The following PLXNA4 variants were observed in gnomAD, a reference collection of about 807,000 sequenced individuals.
PLXNA4 encodes the protein plexin-A4.
In PLXNA4, 44 loss-of-function variants were observed where a neutral mutation model predicts 191.8. The ratio of observed to expected loss-of-function variants is 0.23; its 90% CI spans 0.18 to 0.29. The LOEUF (loss-of-function observed/expected upper bound fraction) is 0.29. PLXNA4 is among the 10% of genes least tolerant of loss of function. The probability of loss-of-function intolerance (pLI) is 1.00; values close to 1 mark genes in which losing one functional copy is unlikely to be tolerated. For missense variants in PLXNA4, 1,800 were observed against 2,488.8 expected (o/e 0.72, Z 5.89); for synonymous variants, 1,082 against 1,009.5 (o/e 1.07, Z -1.36).
At chr7:132,257,308 A>G (rs1799467387) in intron 4 of PLXNA4, among the ~76,000 whole-genome samples, 1 of 152,186 alleles carries the variant, frequency 6.6e-6, no homozygotes, top group South Asian at 2.1e-4. Flanking sequence ...ATTCAAATAT[A>G]TCTTATAATC....
intron 10 of PLXNA4, among the ~76,000 whole-genome samples, chr7:132,206,437 GGTGTGTGT>G (rs61032250): frequency 7.9e-4 from 118 of 148,440 alleles, no homozygotes; most frequent in African/African-American, 2.0e-3. Flanking sequence ...TATGTTTTCT[GGTGTGTGT>G]GTGTGTGTGT....
At chr7:132,220,810 C>CTTTTTT (rs35090579) in intron 9 of PLXNA4, among the ~76,000 whole-genome samples, 1 of 100,790 alleles carries the variant, frequency 9.9e-6, no homozygotes, top group Non-Finnish European at 1.9e-5. Flanking sequence ...TTATTTTATT[C>CTTTTTT]TTTTTTTTTT....
chr7:132,296,197 A>T (rs1054233945), intron 4 of PLXNA4, among the ~76,000 whole-genome samples: 12 of 152,156 alleles, frequency 7.9e-5, no homozygotes, highest in Non-Finnish European at 1.8e-4. Context: ...GGCTCTATTC[A>T]TTCCTGCCTT....
intron 3 of PLXNA4, among the ~76,000 whole-genome samples, chr7:132,310,391 G>A (rs1322197012): frequency 2.0e-5 from 3 of 152,216 alleles, no homozygotes; most frequent in African/African-American, 7.2e-5. Context: ...CCCCTAGCAA[G>A]GCTCCCTGGC....
At chr7:132,552,533 A>C (rs1392116383) in intron 1 of PLXNA4, among the ~76,000 whole-genome samples, 1 of 152,172 alleles carries the variant, frequency 6.6e-6, no homozygotes, top group African/African-American at 2.4e-5. Context: ...CCGCTTCTTC[A>C]TCAGCTCCCA....
At chr7:132,377,421 A>AG (rs1429106713) in intron 3 of PLXNA4, among the ~76,000 whole-genome samples, 12 of 144,796 alleles carry the variant, frequency 8.3e-5, no homozygotes, top group African/African-American at 2.8e-4. Flanking sequence ...CAAATGAAAA[A>AG]GAAAAAAAAA....
intron 4 of PLXNA4, among the ~76,000 whole-genome samples, chr7:132,283,591 G>A (rs1800568776): frequency 7.0e-6 from 1 of 143,338 alleles, no homozygotes; most frequent in African/African-American, 2.5e-5. Flanking sequence ...GCTCATGACA[G>A]AACAGCACAC....
At chr7:132,608,140 A>G (rs1585402072) in intron 2 of PLXNA4, among the ~76,000 whole-genome samples, 1 of 151,850 alleles carries the variant, frequency 6.6e-6, no homozygotes. Context: ...CATCATCACT[A>G]TCACCATCAC....
intron 31 of PLXNA4, among the ~76,000 whole-genome samples, chr7:132,131,604 A>G (rs2116493352): frequency 6.6e-6 from 1 of 152,378 alleles, no homozygotes; most frequent in South Asian, 2.1e-4. Context: ...GAAGCAGGAT[A>G]GAGCTGGCCA....
chr7:132,534,441 C>T (rs1475084975), intron 1 of PLXNA4, among the ~76,000 whole-genome samples: 1 of 152,292 alleles, frequency 6.6e-6, no homozygotes, highest in Admixed American at 6.5e-5. Flanking sequence ...CCCAGCCCTC[C>T]CTACCCTGGC....
At chr7:132,499,212 C>T (rs1355502754) in intron 2 of PLXNA4, among the ~76,000 whole-genome samples, 1 of 152,262 alleles carries the variant, frequency 6.6e-6, no homozygotes, top group Non-Finnish European at 1.5e-5. Context: ...CCATGACCTT[C>T]TCCTCATTAG....
At chr7:132,497,520 A>G (rs1343425408) in intron 2 of PLXNA4, among the ~76,000 whole-genome samples, 1 of 152,198 alleles carries the variant, frequency 6.6e-6, no homozygotes, top group African/African-American at 2.4e-5. Context: ...GCTCCTCAGA[A>G]AGCCTATTAT....
At chr7:132,132,344 T>C (rs1478454876) in intron 31 of PLXNA4, among the ~76,000 whole-genome samples, 3 of 152,094 alleles carry the variant, frequency 2.0e-5, no homozygotes, top group Non-Finnish European at 4.4e-5. Flanking sequence ...AGGTGGGATT[T>C]TCCAGTGAGG....
intron 3 of PLXNA4, among the ~76,000 whole-genome samples, chr7:132,358,095 T>C (rs1462666302): frequency 6.6e-6 from 1 of 152,228 alleles, no homozygotes; most frequent in Non-Finnish European, 1.5e-5. Context: ...CACCACTAAC[T>C]TGCTTTTTAG....
rs199524845 is a variant in PLXNA4, at chr7:132,147,946, G to A, written c.4818C>T (p.Asn1606=). The change falls in exon 27 of 32, where the codon AAC becomes AAT. Residue 1606 remains asparagine (N), a synonymous_variant. Coordinates refer to ENST00000321063, the MANE Select transcript of PLXNA4 (RefSeq NM_020911.2). ...ALVSKQVTAY[N]AVNNSTVSRT... is the part of the protein sequence containing the mutation. ...TGGAGACGGTGGAGTTGTTCACTGC[G>A]TTATAGGCTGTCACCTGCTTGGACA... 2.6e-4 allele frequency: 417 copies of A among 1,614,118 alleles called. 3 individuals are homozygous for A. In the East Asian group the frequency reaches 5.4e-3, roughly 21 times the overall value.
chr7:132,447,439 T>C (rs1795952784), intron 3 of PLXNA4, among the ~76,000 whole-genome samples: 1 of 152,164 alleles, frequency 6.6e-6, no homozygotes, highest in Non-Finnish European at 1.5e-5. Flanking sequence ...TTTTCAGCCA[T>C]AGCTGGGGTA....
intron 4 of PLXNA4, among the ~76,000 whole-genome samples, chr7:132,274,174 G>A (rs1301325010): frequency 6.6e-6 from 1 of 151,920 alleles, no homozygotes; most frequent in Non-Finnish European, 1.5e-5. Flanking sequence ...CTGGAGACAG[G>A]GAGAGAAGAC....
chr7:132,462,238 C>T (rs533168518), intron 3 of PLXNA4, among the ~76,000 whole-genome samples: 20 of 152,004 alleles, frequency 1.3e-4, no homozygotes, highest in African/African-American at 4.3e-4. Flanking sequence ...TTAAGGGTAA[C>T]CACTATTAGG....
intron 3 of PLXNA4, among the ~76,000 whole-genome samples, chr7:132,436,757 G>T (rs1365576003): frequency 6.6e-6 from 1 of 152,178 alleles, no homozygotes; most frequent in Non-Finnish European, 1.5e-5. Context: ...CGAGAGAGAG[G>T]AAAGGAGAAG....
Sources: allele counts gnomAD v4.1 joint callset (sites outside exome capture counted in the v4.1 genomes callset), GRCh38; gene constraint gnomAD v4.1.1; transcripts MANE v1.5; gene names NCBI Gene and HGNC (gene_info 2026-07-23, HGNC 2026-07-21).